Variants in INSC observed in about 807,000 individuals in gnomAD.
INSC encodes the protein INSC spindle orientation adaptor protein.
In INSC, 67 loss-of-function variants were observed where a neutral mutation model predicts 58.6. The observed-to-expected ratio is 1.14, with a 90% confidence interval of 0.94 to 1.40. The LOEUF (loss-of-function observed/expected upper bound fraction) is 1.40, where lower values mean the gene tolerates loss of function less well. Ranked by LOEUF, INSC falls within the 40% of genes most tolerant of loss-of-function variation. The pLI, the probability that INSC is intolerant of heterozygous loss-of-function variation, is 0.00. For synonymous variants in INSC, 262 were observed against 276.1 expected (o/e 0.95, Z 0.51); for missense variants, 714 against 692.0 (o/e 1.03, Z -0.36).
At chr11:15,176,147 T>G in intron 3 of INSC, 61 bp downstream of exon 3, 1 of 1,336,286 alleles carries the variant, frequency 7.5e-7, no homozygotes, top group Non-Finnish European at 1.0e-6. Flanking sequence ...TAGAGAAGAG[T>G]GGGTTTGAAT....
chr11:15,121,249 G>A (rs1358742108), intron 1 of INSC, among the ~76,000 whole-genome samples: 1 of 152,294 alleles, frequency 6.6e-6, no homozygotes, highest in South Asian at 2.1e-4. Flanking sequence ...CCAATCCATA[G>A]ATTGCATTTA....
At chr11:15,224,227 C>T (rs573675551) in intron 8 of INSC, among the ~76,000 whole-genome samples, 50 of 152,328 alleles carry the variant, frequency 3.3e-4, no homozygotes, top group African/African-American at 1.2e-3. Flanking sequence ...GCTGCTGATA[C>T]TACTAGCTTC....
chr11:15,210,933 A>G (rs889074834), intron 7 of INSC, among the ~76,000 whole-genome samples: 1 of 152,120 alleles, frequency 6.6e-6, no homozygotes, highest in African/African-American at 2.4e-5. Context: ...TGCAGCATGG[A>G]CAGTAGGCCA....
At chr11:15,251,385 AC>A (rs1177024241), downstream of INSC, among the ~76,000 whole-genome samples, 2 of 152,240 alleles carry the variant, frequency 1.3e-5, no homozygotes, top group Non-Finnish European at 2.9e-5. Context: ...AGCACAAGTG[AC>A]AAAAGAACAA....
chr11:15,198,142 T>TA (rs1372412888), intron 6 of INSC, among the ~76,000 whole-genome samples: 4 of 152,164 alleles, frequency 2.6e-5, no homozygotes, highest in Admixed American at 6.5e-5. Flanking sequence ...GACACTCTTA[T>TA]AATCAGGAAG....
At chr11:15,156,128 C>T (rs1416679254) in intron 2 of INSC, among the ~76,000 whole-genome samples, 1 of 152,192 alleles carries the variant, frequency 6.6e-6, no homozygotes, top group African/African-American at 2.4e-5. Context: ...CTGGGCTTCC[C>T]TGCTGCTGCT....
At position 15,114,945 on chromosome 11, in the gene INSC, C is replaced by G; in HGVS notation, c.-104C>G. On this transcript the variant is annotated 5_prime_UTR_variant, in exon 1 of 13. Transcript: ENST00000379556. ...GCCACTTTGCGCGCGGCCTCTGGAGCTCCAGCTGCGCCCCGCCACCACTGG... is the reference window on the plus strand; with the variant it reads ...GCCACTTTGCGCGCGGCCTCTGGAGGTCCAGCTGCGCCCCGCCACCACTGG... 1 of 985,466 alleles carries G rather than the reference C, an allele frequency of 1.0e-6. No homozygotes were observed. Among genetic ancestry groups the G allele is most frequent in the South Asian group, 4.7e-5 (1 of 21,292 alleles). 61.0% of individuals were successfully genotyped at this position (985,466 alleles called of 1,614,324 possible).
chr11:15,196,364 A>G (rs565171931), intron 6 of INSC, among the ~76,000 whole-genome samples: 43 of 152,320 alleles, frequency 2.8e-4, no homozygotes, highest in African/African-American at 1.0e-3. Context: ...GTGGTTGAAT[A>G]CCTTGAGCAG....
At chr11:15,199,952 G>A (rs1482606671) in intron 6 of INSC, among the ~76,000 whole-genome samples, 1 of 152,166 alleles carries the variant, frequency 6.6e-6, no homozygotes, top group Non-Finnish European at 1.5e-5. Flanking sequence ...TGCTCCCAGA[G>A]CTAAGGTTGG....
At chr11:15,114,905 T>C (rs553820315), upstream of INSC, 565 of 984,550 alleles carry the variant, frequency 5.7e-4, 1 homozygote, top group Non-Finnish European at 6.6e-4. Flanking sequence ...CCTCTCGGGC[T>C]GGGCCGGCAG....
upstream of INSC, chr11:15,112,339 C>T (rs1847588320): frequency 2.8e-6 from 2 of 717,510 alleles, no homozygotes; most frequent in South Asian, 4.0e-5. Flanking sequence ...ACTGAACTGC[C>T]TTGGACAAGC....
chr11:15,113,918 T>TC (rs1209423052), upstream of INSC, among the ~76,000 whole-genome samples: 1 of 152,132 alleles, frequency 6.6e-6, no homozygotes, highest in African/African-American at 2.4e-5. Flanking sequence ...GAGCTCCTTC[T>TC]CCCTGAATAC....
intron 5 of INSC, among the ~76,000 whole-genome samples, chr11:15,180,272 A>G (rs1448510458): frequency 6.6e-6 from 1 of 151,492 alleles, no homozygotes; most frequent in African/African-American, 2.4e-5. Flanking sequence ...AAAACAAACA[A>G]AACAAAACAA....
intron 2 of INSC, among the ~76,000 whole-genome samples, chr11:15,153,368 T>C (rs574490756): frequency 6.6e-6 from 1 of 152,302 alleles, no homozygotes; most frequent in East Asian, 1.9e-4. Context: ...CATGGCTAGC[T>C]GGGGAGATAA....
At position 15,167,937 on chromosome 11, in the gene INSC, C is replaced by T. The variant is rs1564880778; in HGVS notation, c.57-7804C>T. Among the ~76,000 whole-genome samples the T allele has an allele frequency of 1.3e-5, 2 of 152,088 alleles. 1 individual carries two copies. The highest frequency in any genetic ancestry group is 3.9e-4 in the East Asian group (2 of 5,164). On this transcript the variant is annotated intron_variant, in intron 2 of 12. Transcript: ENST00000379556. ...AAGCAGCAATTATATCTTGGCGGCTCATGATTCTTGCCCACTCTCCTCTCC... is the reference window on the plus strand; with the variant it reads ...AAGCAGCAATTATATCTTGGCGGCTTATGATTCTTGCCCACTCTCCTCTCC...
chr11:15,268,466 A>G, the INSC span, among the ~76,000 whole-genome samples: 5 of 152,208 alleles, frequency 3.3e-5, no homozygotes, highest in African/African-American at 1.2e-4. Flanking sequence ...CGATCAGTGA[A>G]GGATCATTAA....
chr11:15,180,694 C>CGG (rs756237896), intron 5 of INSC, among the ~76,000 whole-genome samples: 1,052 of 41,784 alleles, frequency 0.025, 28 homozygotes, highest in African/African-American at 0.053. Flanking sequence ...AGGGGGGGGG[C>CGG]GGGGGGGGGT....
At chr11:15,118,607 G>A (rs1032403595) in intron 1 of INSC, among the ~76,000 whole-genome samples, 2 of 152,148 alleles carry the variant, frequency 1.3e-5, no homozygotes, top group Admixed American at 6.5e-5. Flanking sequence ...GTAATGTGCT[G>A]GTGGCTTGGT....
intron 5 of INSC, among the ~76,000 whole-genome samples, chr11:15,185,076 G>A (rs763691729): frequency 6.6e-6 from 1 of 152,184 alleles, no homozygotes; most frequent in Non-Finnish European, 1.5e-5. Context: ...CACCTCTAAA[G>A]ATTGGGTAAC....
Sources: allele counts gnomAD v4.1 joint callset (sites outside exome capture counted in the v4.1 genomes callset), GRCh38; gene constraint gnomAD v4.1.1; transcripts MANE v1.5; gene names NCBI Gene and HGNC (gene_info 2026-07-23, HGNC 2026-07-21).